SEPTIN12: variants seen among roughly 807,000 people sequenced by gnomAD.
SEPTIN12 encodes septin 12, also known as septin-12.
A neutral mutation model predicts 37.7 loss-of-function variants in SEPTIN12; 42 were observed. That is an observed-to-expected ratio of 1.11 (90% confidence interval 0.87 to 1.44). The LOEUF (loss-of-function observed/expected upper bound fraction) is 1.44. Among genes scored for constraint, SEPTIN12 ranks in the 40% most tolerant of loss-of-function variants. SEPTIN12 has a pLI of 0.00. For missense variants in SEPTIN12, 613 were observed against 479.2 expected (o/e 1.28, Z -2.61); for synonymous variants, 254 against 196.7 (o/e 1.29, Z -2.44).
chr16:4,790,612 AC>A (rs2082536775), upstream of SEPTIN12, among the ~76,000 whole-genome samples: 1 of 152,200 alleles, frequency 6.6e-6, no homozygotes, highest in South Asian at 2.1e-4. Flanking sequence ...ACATGGCGAA[AC>A]CCCATCTCTA....
intron 4 of SEPTIN12, 79 bp from the exon 5 acceptor site, chr16:4,784,147 G>C (rs983172089): frequency 6.4e-7 from 1 of 1,561,992 alleles, no homozygotes; most frequent in Non-Finnish European, 8.8e-7. Context: ...TGTCCTCTGG[G>C]CGGTCCTCCC....
At position 4,786,097 on chromosome 16, in the gene SEPTIN12, CGCTTT is replaced by C; in HGVS notation, c.170_174del (p.Gln57ArgfsTer65). On this transcript the variant is annotated frameshift_variant, in exon 3 of 10. Transcript: ENST00000268231. LOFTEE classifies it high-confidence loss of function. ...TTCACCATCGTGGACTTGCCCAGCC[CGCTTT>C]GCCCTGGGAGTGGCAACCGGATGAC... is the stretch of plus-strand genomic sequence containing the variant. 6.2e-7 allele frequency: 1 copy of C among 1,606,026 alleles called. No homozygotes were observed. Among genetic ancestry groups the C allele is most frequent in the Non-Finnish European group, 8.5e-7 (1 of 1,174,758 alleles).
intron 8 of SEPTIN12, among the ~76,000 whole-genome samples, chr16:4,779,191 GC>G (rs1202174181): frequency 6.7e-6 from 1 of 149,690 alleles, no homozygotes. Context: ...CATCCTCGCT[GC>G]CCCTCCTGTG....
chr16:4,791,646 C>G (rs1002245413), upstream of SEPTIN12, among the ~76,000 whole-genome samples: 1 of 152,240 alleles, frequency 6.6e-6, no homozygotes, highest in African/African-American at 2.4e-5. Flanking sequence ...CCTCCTCCTC[C>G]TGTTACTGTC....
In SEPTIN12 at chr16:4,779,760, C is replaced by G. The variant is rs749502098; in HGVS notation, c.753G>C (p.Gly251=). 24 of 1,613,286 alleles carry G rather than the reference C, an allele frequency of 1.5e-5. No homozygotes were observed. Among genetic ancestry groups the G allele is most frequent in the Non-Finnish European group, 2.0e-5 (24 of 1,179,398 alleles). ...CGTTCACCAGGTGCTCTTGGTCAGC[C>G]CCTACCACGGCAAAAGGGATTCGGT... ...LRDRIPFAVV[G]ADQEHLVNGR... The change falls in exon 8 of 10, where the codon GGG becomes GGC. Residue 251 remains glycine, a synonymous_variant. Transcript: ENST00000268231.
At chr16:4,778,239 A>G in intron 8 of SEPTIN12, 102 bp from the exon 9 acceptor site, 3 of 1,221,644 alleles carry the variant, frequency 2.5e-6, no homozygotes, top group Non-Finnish European at 3.6e-6. Flanking sequence ...CTTTTCCCAC[A>G]TTTCTCTTTA....
chr16:4,778,097 G>T lies in SEPTIN12; in HGVS notation c.864C>A (p.Asp288Glu). Residue 288 changes from aspartate (D) to glutamate (E), a missense_variant, in exon 9 of 10, where the codon GAC (aspartate) becomes GAA (glutamate). Physicochemically the swap from Asp to Glu is conservative, Grantham distance 45. Coordinates refer to ENST00000268231, the MANE Select transcript of SEPTIN12 (RefSeq NM_144605.5). Reference protein sequence around the residue: ...MAHCEFPLLRDLLIRSHLQDL... With the variant: ...MAHCEFPLLRELLIRSHLQDL... ...CCCCACACCCTCACCGGATAAGCAG[G>T]TCTCTCAGGAGAGGAAATTCACAGT... The T allele has an allele frequency of 1.9e-6, 3 of 1,614,194 alleles. No homozygotes were observed. The highest frequency in any genetic ancestry group is 1.3e-5 in the African/African-American group (1 of 75,054).
rs1168451216 is a variant in SEPTIN12, at chr16:4,785,662, A to G, written c.374+145T>C. On this transcript the variant is annotated intron_variant, in intron 4 of 9. Transcript: ENST00000268231. ...CGTGGTGGCGGGCGCCTGTAATCCC[A>G]GCTACTTCGGGAGGCTGAGGCAGGA... 10 of 635,306 alleles carry G rather than the reference A, an allele frequency of 1.6e-5. No individual in the cohort carries two copies. In the East Asian group the frequency reaches 2.8e-4, roughly 18 times the overall value. 39.4% of individuals were successfully genotyped at this position (635,306 alleles called of 1,614,324 possible). A position where few individuals can be genotyped will look rare whatever the true frequency, so the allele number is the denominator to read the frequency against.
chr16:4,783,965 A>G lies in SEPTIN12; in HGVS notation c.478T>C (p.Cys160Arg), dbSNP rs775948503. The change falls in exon 5 of 10, where the codon TGC becomes CGC. Residue 160 changes from cysteine to arginine, a missense_variant. By Grantham distance (180) the Cys-to-Arg change is radical. Transcript: ENST00000268231. Reference protein sequence around the residue: ...QRHIPDTRVHCCVYFVPPTGH... With the variant: ...QRHIPDTRVHRCVYFVPPTGH... ...GTGGGTGGTACAAAGTACACGCAGC[A>G]GTGCACCCGGGTGTCTGGGATGTGG... 3 of 1,614,034 alleles carry G rather than the reference A, an allele frequency of 1.9e-6. No homozygotes were observed. The African/African-American group carries it at 4.0e-5, about 22-fold the overall frequency.
At chr16:4,779,666 C>G in intron 8 of SEPTIN12, 24 bp downstream of exon 8, 1 of 1,496,628 alleles carries the variant, frequency 6.7e-7, no homozygotes, top group Non-Finnish European at 9.3e-7. Context: ...CCACCTGCAT[C>G]CTACCCAGGG....
Position 4,786,052 on chromosome 16 carries a change from C to A in SEPTIN12, c.220G>T (p.Val74Leu), listed in dbSNP as rs745725964. Residue 74 changes from valine (V) to leucine (L), a missense_variant, in exon 3 of 10, where the codon GTG becomes TTG. Transcript: ENST00000268231. The stretch of plus-strand genomic sequence containing the variant: ...AAGCCCGGTGGGTTTGACTTCCACA[C>A]TTTGGACTTGAACAGCGTGTTCACC... Reference protein sequence around the residue: ...TMVNTLFKSKVWKSNPPGLGV... With the variant: ...TMVNTLFKSKLWKSNPPGLGV... 32 of 1,613,910 alleles carry A rather than the reference C, an allele frequency of 2.0e-5. 1 individual carries two copies. The South Asian group carries it at 3.4e-4, about 17-fold the overall frequency.
At position 4,785,777 on chromosome 16, in the gene SEPTIN12, T is replaced by TAA. The variant is rs368610870; in HGVS notation, c.374+28_374+29dup. ...TGGGTGACAAGAGTGAAACTCTGCCTAAAAAAAAAAAAAAAGAGAGAGAAC... is the reference window on the plus strand; with the variant it reads ...TGGGTGACAAGAGTGAAACTCTGCCTAAAAAAAAAAAAAAAAAGAGAGAGAAC... On this transcript the variant is annotated intron_variant, in intron 4 of 9. Transcript: ENST00000268231. The TAA allele has an allele frequency of 2.4e-3, 2,841 of 1,180,826 alleles. 1 individual carries two copies. The highest frequency in any genetic ancestry group is 2.9e-3 in the South Asian group (215 of 74,360). 73.1% of individuals were successfully genotyped at this position (1,180,826 alleles called of 1,614,324 possible).
At chr16:4,780,682 T>G (rs1343228669) in intron 7 of SEPTIN12, among the ~76,000 whole-genome samples, 1 of 152,086 alleles carries the variant, frequency 6.6e-6, no homozygotes, top group East Asian at 1.9e-4. Context: ...TGGGGAGTAA[T>G]GTGGATGTTG....
At chr16:4,783,585 C>A (rs776152513) in intron 6 of SEPTIN12, 28 bp from the exon 7 acceptor site, 2 of 1,611,058 alleles carry the variant, frequency 1.2e-6, no homozygotes, top group Non-Finnish European at 1.7e-6. Flanking sequence ...GTGACCTCAG[C>A]CCACCCTGCC....
intron 2 of SEPTIN12, 36 bp downstream of exon 2, chr16:4,787,444 G>A: frequency 6.2e-7 from 1 of 1,600,796 alleles, no homozygotes; most frequent in Admixed American, 1.7e-5. Context: ...GTAGCACTGT[G>A]GGTCTGTCCT....
Position 4,777,735 on chromosome 16 carries a change from A to G in SEPTIN12, c.*62T>C. Reference sequence around the variant, plus strand: ...ACATTTAATAGATGCTCTGGTACATAGGTGTGTGTTGAGAGCCGCTGGGGA... The same window carrying G: ...ACATTTAATAGATGCTCTGGTACATGGGTGTGTGTTGAGAGCCGCTGGGGA... On this transcript the variant is annotated 3_prime_UTR_variant, in exon 10 of 10. Coordinates refer to ENST00000268231, the MANE Select transcript of SEPTIN12 (RefSeq NM_144605.5). The G allele has an allele frequency of 8.8e-7, 1 of 1,131,232 alleles. No homozygotes were observed. The highest frequency in any genetic ancestry group is 1.6e-5 in the South Asian group (1 of 61,898). 70.1% of individuals were successfully genotyped at this position (1,131,232 alleles called of 1,614,324 possible). A position where few individuals can be genotyped will look rare whatever the true frequency, so the allele number is the denominator to read the frequency against.
intron 7 of SEPTIN12, 45 bp from the exon 8 acceptor site, chr16:4,779,831 G>A: frequency 7.3e-7 from 1 of 1,361,554 alleles, no homozygotes; most frequent in Non-Finnish European, 1.1e-6. Flanking sequence ...GACTTCGCTG[G>A]GGAGAAGAGA....
chr16:4,786,136 G>A lies in SEPTIN12; in HGVS notation c.167-31C>T, dbSNP rs142874608. ...AGTGGCAACCGGATGACAGCAGTTA[G>A]GGTGGGCGTTTTAGGCAGTTTTTCT... On this transcript the variant is annotated intron_variant, in intron 2 of 9. Transcript: ENST00000268231. 85 of 1,544,438 alleles carry A rather than the reference G, an allele frequency of 5.5e-5. No homozygotes were observed. In the African/African-American group the frequency reaches 1.0e-3, roughly 18 times the overall value.
Position 4,779,511 on chromosome 16 carries a change from C to G in SEPTIN12, c.823+179G>C, listed in dbSNP as rs112938440. Among the ~76,000 whole-genome samples the G allele has an allele frequency of 5.5e-3, 831 of 152,292 alleles. 8 individuals carry two copies. Among genetic ancestry groups the G allele is most frequent in the African/African-American group, 0.019 (791 of 41,558 alleles). On this transcript the variant is annotated intron_variant, in intron 8 of 9. Transcript: ENST00000268231. Reference sequence around the variant, plus strand: ...CCACTTTACTGTGAGGAAACTGAGGCCCAGAGGGTCCGGAAACTTGCCACA... The same window carrying G: ...CCACTTTACTGTGAGGAAACTGAGGGCCAGAGGGTCCGGAAACTTGCCACA...
Sources: allele counts gnomAD v4.1 joint callset (sites outside exome capture counted in the v4.1 genomes callset), GRCh38; gene constraint gnomAD v4.1.1; transcripts MANE v1.5; gene names NCBI Gene and HGNC (gene_info 2026-07-23, HGNC 2026-07-21).